CRYBA4: variants seen among roughly 807,000 people sequenced by gnomAD.
CRYBA4 encodes crystallin beta A4.
A neutral mutation model predicts 31.7 loss-of-function variants in CRYBA4; 30 were observed. The observed-to-expected ratio is 0.95, with a 90% CI of 0.71 to 1.28. The LOEUF (loss-of-function observed/expected upper bound fraction) is 1.28, where lower values mean the gene tolerates loss of function less well. Among genes scored for constraint, CRYBA4 ranks in the 50% most tolerant of loss-of-function variants. The probability of loss-of-function intolerance (pLI) is 0.00; values close to 1 mark genes in which losing one functional copy is unlikely to be tolerated. For missense variants in CRYBA4, 225 were observed against 260.7 expected, an observed-to-expected ratio of 0.86 and a Z score of 0.94; for synonymous variants, 102 against 102.3, an observed-to-expected ratio of 1.00 and a Z score of 0.02.
intron 5 of CRYBA4, among the ~76,000 whole-genome samples, chr22:26,629,320 C>T (rs1213630488): frequency 1.3e-5 from 2 of 151,412 alleles, no homozygotes; most frequent in South Asian, 2.1e-4. Flanking sequence ...TCAGGAACCA[C>T]CAAAGAATCA....
In CRYBA4 at chr22:26,630,384, T is replaced by A; in HGVS notation, c.488T>A (p.Val163Glu). The change falls in exon 6 of 6, where the codon GTG becomes GAG. Residue 163 changes from valine to glutamate, a missense_variant. Coordinates refer to ENST00000354760, the MANE Select transcript of CRYBA4 (RefSeq NM_001886.3). The part of the protein sequence containing the change: ...QFPGYRGFQY[V>E]LECDHHSGDY... ...CCGGGCTACCGAGGATTTCAGTATG[T>A]GCTGGAATGCGATCACCATTCCGGT... 1 of 1,614,236 alleles carries A rather than the reference T, an allele frequency of 6.2e-7. No individual in the cohort carries two copies. Among genetic ancestry groups the A allele is most frequent in the South Asian group, 1.1e-5 (1 of 91,068 alleles).
At chr22:26,622,704 G>T in intron 2 of CRYBA4, 69 bp downstream of exon 2, 1 of 1,181,198 alleles carries the variant, frequency 8.5e-7, no homozygotes, top group Non-Finnish European at 1.3e-6. Flanking sequence ...TGAATCCTAG[G>T]AGGGGGGCAT....
chr22:26,627,245 T>C (rs527982220), intron 4 of CRYBA4, among the ~76,000 whole-genome samples: 39 of 152,202 alleles, frequency 2.6e-4, no homozygotes, highest in African/African-American at 8.7e-4. Flanking sequence ...AGTTGGTAAG[T>C]GGCAGCTGCC....
the CRYBA4 span, among the ~76,000 whole-genome samples, chr22:26,598,012 AGCTGGGATTACAGGCACCC>A: frequency 1.3e-5 from 2 of 151,818 alleles, no homozygotes; most frequent in Non-Finnish European, 2.9e-5. Flanking sequence ...CCTCCCAAGT[AGCTGGGATTACAGGCACCC>A]GCCACCACAG....
the CRYBA4 span, chr22:26,599,410 T>C: frequency 6.7e-7 from 1 of 1,492,824 alleles, no homozygotes; most frequent in South Asian, 1.3e-5. Flanking sequence ...CTTTAGGGAA[T>C]TTTATTTGCC....
At chr22:26,611,475 T>G in the CRYBA4 span, among the ~76,000 whole-genome samples, 27 of 150,176 alleles carry the variant, frequency 1.8e-4, no homozygotes, top group African/African-American at 5.8e-4. Flanking sequence ...TTTTGTTTTT[T>G]TTTTTTTTTT....
At chr22:26,618,689 C>G (rs901795524), upstream of CRYBA4, among the ~76,000 whole-genome samples, 6 of 152,200 alleles carry the variant, frequency 3.9e-5, no homozygotes, top group Non-Finnish European at 7.3e-5. Context: ...CCAGGCCAGC[C>G]AGCTCTGGGC....
intron 3 of CRYBA4, 22 bp from the exon 4 acceptor site, chr22:26,625,459 A>G: frequency 6.2e-7 from 1 of 1,613,194 alleles, no homozygotes; most frequent in Non-Finnish European, 8.5e-7. Flanking sequence ...TACCTCCTGC[A>G]CACTCTACCC....
the CRYBA4 span, among the ~76,000 whole-genome samples, chr22:26,602,320 A>C: frequency 6.6e-6 from 1 of 152,184 alleles, no homozygotes; most frequent in South Asian, 2.1e-4. Flanking sequence ...GCCATGGCTC[A>C]TGTCTGTAAT....
chr22:26,615,647 G>A, the CRYBA4 span, among the ~76,000 whole-genome samples: 1 of 152,002 alleles, frequency 6.6e-6, no homozygotes. Context: ...CCAAGTAGCT[G>A]GGATTACAGG....
At chr22:26,619,637 A>C (rs985946352), upstream of CRYBA4, among the ~76,000 whole-genome samples, 1 of 151,986 alleles carries the variant, frequency 6.6e-6, no homozygotes, top group Non-Finnish European at 1.5e-5. Context: ...TCCCTCCACC[A>C]CCCAGCACCC....
At chr22:26,615,323 C>A in the CRYBA4 span, among the ~76,000 whole-genome samples, 2 of 152,140 alleles carry the variant, frequency 1.3e-5, no homozygotes, top group African/African-American at 4.8e-5. Context: ...AGTGAGCCTC[C>A]AAGGACAGCT....
chr22:26,605,671 CAAAAAAAAAAAAA>C, the CRYBA4 span, among the ~76,000 whole-genome samples: 1 of 54,214 alleles, frequency 1.8e-5, no homozygotes, highest in Non-Finnish European at 3.4e-5. Flanking sequence ...AGATGTGTCT[CAAAAAAAAAAAAA>C]AAAAAAAAGG....
intron 3 of CRYBA4, 51 bp from the exon 4 acceptor site, chr22:26,625,425 AGAATG>A: frequency 6.2e-7 from 1 of 1,600,376 alleles, no homozygotes; most frequent in South Asian, 1.1e-5. Flanking sequence ...TTGCTGGTCT[AGAATG>A]CAGGGTGAGG....
the CRYBA4 span, chr22:26,602,027 G>A: frequency 6.2e-7 from 1 of 1,613,544 alleles, no homozygotes; most frequent in South Asian, 1.1e-5. Flanking sequence ...GCATCCTGGG[G>A]AAAGAGAGGC....
the CRYBA4 span, among the ~76,000 whole-genome samples, chr22:26,592,604 G>A: frequency 6.6e-6 from 1 of 152,240 alleles, no homozygotes; most frequent in Admixed American, 6.5e-5. Context: ...GGAGGTGAGA[G>A]AAGAGATCAG....
chr22:26,609,647 G>A, the CRYBA4 span, among the ~76,000 whole-genome samples: 4 of 152,326 alleles, frequency 2.6e-5, no homozygotes, highest in African/African-American at 9.6e-5. Context: ...TAGATCAATA[G>A]ACGAATGGGT....
upstream of CRYBA4, among the ~76,000 whole-genome samples, chr22:26,620,439 AT>A (rs1569209426): frequency 6.6e-6 from 1 of 152,098 alleles, no homozygotes; most frequent in African/African-American, 2.4e-5. Context: ...CGTAAGTAAC[AT>A]GCTTAAAAGT....
intron 4 of CRYBA4, among the ~76,000 whole-genome samples, chr22:26,627,106 C>A (rs1322337974): frequency 2.0e-5 from 3 of 152,128 alleles, no homozygotes; most frequent in Non-Finnish European, 4.4e-5. Flanking sequence ...CAGAAACAAT[C>A]CCTCATTCCC....
Sources: allele counts gnomAD v4.1 joint callset (sites outside exome capture counted in the v4.1 genomes callset), GRCh38; gene constraint gnomAD v4.1.1; transcripts MANE v1.5; gene names NCBI Gene and HGNC (gene_info 2026-07-23, HGNC 2026-07-21).